XKR3: variants seen among roughly 807,000 people sequenced by gnomAD.
The protein encoded by XKR3 is XK related 3.
A neutral mutation model predicts 40.3 loss-of-function variants in XKR3; 27 were observed. The ratio of observed to expected loss-of-function variants is 0.67; its 90% CI spans 0.49 to 0.92. The LOEUF is 0.92. Among genes scored for constraint, XKR3 ranks in the 40% least tolerant of loss-of-function variants. The pLI, the probability that XKR3 is intolerant of heterozygous loss-of-function variation, is 0.00. For missense variants in XKR3, 472 were observed against 537.6 expected (o/e 0.88, Z 1.21); for synonymous variants, 193 against 195.4 (o/e 0.99, Z 0.10).
chr22:16,803,930 T>A (rs1048697435), intron 2 of XKR3, among the ~76,000 whole-genome samples: 1 of 152,222 alleles, frequency 6.6e-6, no homozygotes, highest in Non-Finnish European at 1.5e-5. Flanking sequence ...CATTGTGGAC[T>A]TGCCCTGAAT....
At chr22:16,792,186 T>C (rs2060123175) in intron 3 of XKR3, among the ~76,000 whole-genome samples, 1 of 152,162 alleles carries the variant, frequency 6.6e-6, no homozygotes, top group African/African-American at 2.4e-5. Flanking sequence ...CCTCATGTGA[T>C]CCACCCACCT....
At chr22:16,804,263 T>C (rs138689529) in intron 2 of XKR3, among the ~76,000 whole-genome samples, 1 of 152,154 alleles carries the variant, frequency 6.6e-6, no homozygotes, top group Admixed American at 6.5e-5. Flanking sequence ...ATATAAGGGG[T>C]CTGGGTACTA....
intron 3 of XKR3, among the ~76,000 whole-genome samples, chr22:16,793,540 T>C (rs2060129263): frequency 6.6e-6 from 1 of 151,598 alleles, no homozygotes; most frequent in African/African-American, 2.4e-5. Context: ...ACTACAATCA[T>C]GTTACTGAAG....
At chr22:16,792,098 T>C (rs2060122682) in intron 3 of XKR3, among the ~76,000 whole-genome samples, 1 of 152,042 alleles carries the variant, frequency 6.6e-6, no homozygotes, top group African/African-American at 2.4e-5. Flanking sequence ...CCCGCTACCA[T>C]GTCCAGCTAA....
Position 16,801,049 on chromosome 22 carries a change from A to G in XKR3, c.336-1025T>C, listed in dbSNP as rs2146159622. Among the ~76,000 whole-genome samples the G allele has an allele frequency of 2.6e-5, 4 of 152,286 alleles. No individual in the cohort carries two copies. In the South Asian group the frequency reaches 8.3e-4, roughly 32 times the overall value. On this transcript the variant is annotated intron_variant, in intron 2 of 3. Coordinates refer to ENST00000684488, the MANE Select transcript of XKR3 (RefSeq NM_001386955.1). ...GTAGCAAAGAGAGAAAGGAGCATCT[A>G]ATATATGATGGAGATTATAGGGCAT...
chr22:16,795,980 C>A (rs1375473134), intron 3 of XKR3, among the ~76,000 whole-genome samples: 2 of 151,658 alleles, frequency 1.3e-5, no homozygotes, highest in African/African-American at 4.8e-5. Context: ...AAAAAAGGGA[C>A]CAGAAAATCC....
intron 2 of XKR3, among the ~76,000 whole-genome samples, chr22:16,807,459 C>G (rs981760362): frequency 5.9e-5 from 9 of 152,040 alleles, no homozygotes; most frequent in African/African-American, 2.2e-4. Context: ...GCCCATTAGG[C>G]CGAATGAGAA....
At chr22:16,813,210 G>A (rs767801247) in intron 1 of XKR3, among the ~76,000 whole-genome samples, 4 of 151,646 alleles carry the variant, frequency 2.6e-5, no homozygotes, top group Non-Finnish European at 5.9e-5. Context: ...CGTGAACCTG[G>A]GAGACGGAGC....
chr22:16,785,539 T>C (rs746083859), intron 3 of XKR3, among the ~76,000 whole-genome samples: 1 of 151,930 alleles, frequency 6.6e-6, no homozygotes, highest in African/African-American at 2.4e-5. Context: ...AGAGAAAAAA[T>C]TCATTTTACA....
intron 3 of XKR3, among the ~76,000 whole-genome samples, chr22:16,798,589 T>C (rs1334174704): frequency 6.6e-6 from 1 of 152,200 alleles, no homozygotes; most frequent in Non-Finnish European, 1.5e-5. Flanking sequence ...CCATCAATGG[T>C]ACACTGGATA....
intron 3 of XKR3, among the ~76,000 whole-genome samples, chr22:16,784,626 T>A (rs1330678913): frequency 2.6e-4 from 39 of 152,262 alleles, no homozygotes; most frequent in Non-Finnish European, 1.0e-4. Flanking sequence ...AAACAAATAA[T>A]AAGCAAATAC....
chr22:16,799,794 A>C lies in XKR3; in HGVS notation c.566T>G (p.Ile189Arg). The part of the protein sequence containing the change: ...LILQMYISLT[I>R]REWPLNRALL... ...ACCTCTATTCAAAGGCCATTCTCGT[A>C]TAGTGAGACTGATATACATCTGCAA... Residue 189 changes from isoleucine (I) to arginine (R), a missense_variant, in exon 3 of 4, where the codon ATA becomes AGA. By Grantham distance (97) the Ile-to-Arg change is moderately conservative (BLOSUM62 -3). Transcript: ENST00000684488. 6.2e-7 allele frequency: 1 copy of C among 1,614,096 alleles called. No homozygotes were observed. The highest frequency in any genetic ancestry group is 8.5e-7 in the Non-Finnish European group (1 of 1,180,006).
chr22:16,812,269 T>C (rs962937909), intron 1 of XKR3, among the ~76,000 whole-genome samples: 6 of 152,228 alleles, frequency 3.9e-5, no homozygotes, highest in African/African-American at 9.6e-5. Flanking sequence ...TTTGTTTGTG[T>C]GTTTAACCCG....
intron 3 of XKR3, among the ~76,000 whole-genome samples, chr22:16,793,728 C>T (rs1330149494): frequency 7.9e-5 from 12 of 152,154 alleles, no homozygotes; most frequent in Non-Finnish European, 1.5e-4. Flanking sequence ...GTCAGCATGT[C>T]GTTTTGGGTC....
chr22:16,815,922 G>C lies in XKR3; in HGVS notation c.-10-7839C>G, dbSNP rs184921591. Among the ~76,000 whole-genome samples the C allele has an allele frequency of 2.0e-4, 31 of 151,832 alleles. 1 individual carries two copies. In the East Asian group the frequency reaches 6.0e-3, roughly 29 times the overall value. On this transcript the variant is annotated intron_variant, in intron 1 of 3. Coordinates refer to ENST00000684488, the MANE Select transcript of XKR3 (RefSeq NM_001386955.1). ...CATTTTGATATTTCATATTTTGCCT[G>C]TCACCTCTTCTGTTATCTATTATTG...
At chr22:16,792,577 C>T (rs1255056916) in intron 3 of XKR3, among the ~76,000 whole-genome samples, 1 of 152,204 alleles carries the variant, frequency 6.6e-6, no homozygotes, top group Non-Finnish European at 1.5e-5. Context: ...CACATGTAAA[C>T]GTGTACCTAA....
intron 1 of XKR3, among the ~76,000 whole-genome samples, chr22:16,809,080 G>A (rs1173207375): frequency 6.6e-6 from 1 of 152,134 alleles, no homozygotes; most frequent in African/African-American, 2.4e-5. Context: ...GAAGCAGGAA[G>A]TTATCTATTT....
chr22:16,784,654 T>C (rs1322530188), intron 3 of XKR3, among the ~76,000 whole-genome samples: 6 of 152,298 alleles, frequency 3.9e-5, no homozygotes, highest in Admixed American at 3.9e-4. Context: ...TCTACATTTA[T>C]ACATGTATAT....
chr22:16,824,253 T>A (rs1183423899), intron 1 of XKR3, among the ~76,000 whole-genome samples: 1 of 152,116 alleles, frequency 6.6e-6, no homozygotes, highest in Non-Finnish European at 1.5e-5. Flanking sequence ...AACGGGCATG[T>A]AAGAAAATAC....
Sources: gnomAD v4.1 joint callset for allele counts (sites outside exome capture counted in the v4.1 genomes callset) on GRCh38, gnomAD v4.1.1 for gene constraint, MANE v1.5 for transcripts, NCBI Gene and HGNC (gene_info 2026-07-23, HGNC 2026-07-21) for gene names.